The following KCTD13 variants were observed in gnomAD, a reference collection of about 807,000 sequenced individuals.
The protein encoded by KCTD13 is potassium channel tetramerization domain containing 13.
A neutral mutation model predicts 32.3 loss-of-function variants in KCTD13; 15 were observed. The ratio of observed to expected loss-of-function variants is 0.46; its 90% confidence interval spans 0.31 to 0.71. The LOEUF is 0.71. KCTD13 is among the 30% of genes least tolerant of loss of function. The probability of loss-of-function intolerance (pLI) is 0.05; values close to 1 mark genes in which losing one functional copy is unlikely to be tolerated. For missense variants in KCTD13, 337 were observed against 452.6 expected (o/e 0.74, Z 2.32); for synonymous variants, 189 against 200.1 (o/e 0.94, Z 0.47).
chr16:29,907,917 C>T (rs931627249), intron 5 of KCTD13, among the ~76,000 whole-genome samples: 3 of 150,742 alleles, frequency 2.0e-5, no homozygotes, highest in Non-Finnish European at 4.4e-5. Context: ...GCAGGAACAT[C>T]GTTAGAGCCC....
intron 2 of KCTD13, chr16:29,919,749 ACACACACACATACTCT>A (rs1405220199): frequency 6.6e-6 from 1 of 152,188 alleles, no homozygotes; most frequent in Non-Finnish European, 1.5e-5. Flanking sequence ...GCAAACACAC[ACACACACACATACTCT>A]CACACAGGAA....
At position 29,906,436 on chromosome 16, in the gene KCTD13, A is replaced by G. The variant is rs1448015758; in HGVS notation, c.*436T>C. ...ACGCTGAGCTGGGCAGGCCCAGGCCAGTCTAGTACAAAGTTAAGGAGGTAG... is the reference window on the plus strand; with the variant it reads ...ACGCTGAGCTGGGCAGGCCCAGGCCGGTCTAGTACAAAGTTAAGGAGGTAG... On this transcript the variant is annotated 3_prime_UTR_variant, in exon 6 of 6. Transcript: ENST00000568000. The G allele has an allele frequency of 4.5e-6, 2 of 449,418 alleles. No homozygotes were observed. Among genetic ancestry groups the G allele is most frequent in the Non-Finnish European group, 8.9e-6 (2 of 224,104 alleles). The allele number at this position is 449,418 out of a possible 1,614,324, so 27.8% of individuals were successfully genotyped here. A position where few individuals can be genotyped will look rare whatever the true frequency, so the allele number is the denominator to read the frequency against.
chr16:29,911,792 G>C, intron 4 of KCTD13, 23 bp downstream of exon 4: 1 of 1,611,852 alleles, frequency 6.2e-7, no homozygotes. Flanking sequence ...GTCCCGCCCA[G>C]TGCCCCGCAC....
intron 5 of KCTD13, among the ~76,000 whole-genome samples, chr16:29,910,089 C>A: frequency 7.1e-6 from 1 of 141,150 alleles, no homozygotes. Context: ...CAGAGTGAGA[C>A]TCTGTCTAAA....
intron 4 of KCTD13, chr16:29,911,511 G>T: frequency 1.8e-6 from 1 of 568,356 alleles, no homozygotes; most frequent in Non-Finnish European, 3.1e-6. Context: ...TCTGTAAAAT[G>T]GAGCTCACAA....
intron 5 of KCTD13, among the ~76,000 whole-genome samples, chr16:29,907,526 C>T (rs1156682962): frequency 6.6e-6 from 1 of 152,144 alleles, no homozygotes; most frequent in African/African-American, 2.4e-5. Flanking sequence ...GTGACTCAGG[C>T]CTGTAATCCC....
intron 2 of KCTD13, among the ~76,000 whole-genome samples, chr16:29,912,794 A>G (rs1242091953): frequency 1.3e-5 from 2 of 152,188 alleles, no homozygotes; most frequent in Admixed American, 6.5e-5. Context: ...AACTTTTTGT[A>G]TTTGTTTATG....
chr16:29,917,848 T>C (rs2068836932), intron 2 of KCTD13, among the ~76,000 whole-genome samples: 1 of 152,080 alleles, frequency 6.6e-6, no homozygotes, highest in African/African-American at 2.4e-5. Flanking sequence ...CTCGGGAGGC[T>C]GAGACATGAA....
chr16:29,925,483 T>G, intron 1 of KCTD13: 12 of 399,702 alleles, frequency 3.0e-5, no homozygotes, highest in East Asian at 5.9e-5. Context: ...AGCTGAGGGG[T>G]GAAGGGTGGG....
intron 2 of KCTD13, among the ~76,000 whole-genome samples, chr16:29,915,709 C>G (rs1179268109): frequency 6.6e-6 from 1 of 152,136 alleles, no homozygotes; most frequent in East Asian, 1.9e-4. Flanking sequence ...ACACCTTTAA[C>G]CTTCTCAGAA....
chr16:29,909,529 G>C (rs1350698705), intron 5 of KCTD13, among the ~76,000 whole-genome samples: 1 of 152,118 alleles, frequency 6.6e-6, no homozygotes, highest in Non-Finnish European at 1.5e-5. Context: ...TTGATTTCCA[G>C]CCCGGTACAG....
intron 2 of KCTD13, among the ~76,000 whole-genome samples, chr16:29,912,610 T>C (rs1476998821): frequency 1.3e-5 from 2 of 152,126 alleles, no homozygotes; most frequent in Non-Finnish European, 2.9e-5. Flanking sequence ...CCAGCTAATT[T>C]TGTATTTTTA....
chr16:29,921,481 G>C (rs1280975146), intron 2 of KCTD13: 2 of 152,076 alleles, frequency 1.3e-5, no homozygotes, highest in South Asian at 2.1e-4. Flanking sequence ...GGTCAAATCT[G>C]AGCTCTGCTG....
intron 2 of KCTD13, chr16:29,920,621 A>G (rs2068893688): frequency 1.3e-5 from 2 of 152,212 alleles, no homozygotes; most frequent in Non-Finnish European, 2.9e-5. Flanking sequence ...GGAAACAAAA[A>G]AACACTAGTG....
At chr16:29,914,046 T>A (rs946746468) in intron 2 of KCTD13, 15 of 152,188 alleles carry the variant, frequency 9.9e-5, no homozygotes, top group African/African-American at 3.4e-4. Context: ...GCCAGGCTGG[T>A]CTCAAACTCC....
chr16:29,912,492 G>C (rs879869615), intron 2 of KCTD13: 2 of 204,314 alleles, frequency 9.8e-6, no homozygotes, highest in South Asian at 1.4e-4. Flanking sequence ...CCAGGCTGGA[G>C]TGCAATGGCG....
intron 2 of KCTD13, chr16:29,912,273 C>T (rs2068727445): frequency 5.2e-6 from 3 of 576,810 alleles, no homozygotes; most frequent in Non-Finnish European, 9.1e-6. Flanking sequence ...GTGCCTGCCC[C>T]GGCCACTGGC....
At position 29,906,836 on chromosome 16, in the gene KCTD13, C is replaced by T; in HGVS notation, c.*36G>A. ...GGAGGGAAAGAGAGAGGGACTGGGT[C>T]CCAAGGCAAGAGGAAGGCAGGGGGA... is the stretch of plus-strand genomic sequence containing the variant. On this transcript the variant is annotated 3_prime_UTR_variant, in exon 6 of 6. Transcript: ENST00000568000. 1.3e-6 allele frequency: 2 copies of T among 1,581,290 alleles called. No homozygotes were observed. The highest frequency in any genetic ancestry group is 1.3e-5 in the African/African-American group (1 of 74,352).
chr16:29,925,358 T>A (rs182133353), intron 1 of KCTD13, among the ~76,000 whole-genome samples: 16 of 152,304 alleles, frequency 1.1e-4, no homozygotes, highest in African/African-American at 3.6e-4. Flanking sequence ...CTCTCCTGGC[T>A]GGCTGTGAGC....
Sources: allele counts gnomAD v4.1 joint callset (sites outside exome capture counted in the v4.1 genomes callset), GRCh38; gene constraint gnomAD v4.1.1; transcripts MANE v1.5; gene names NCBI Gene and HGNC (gene_info 2026-07-23, HGNC 2026-07-21).